The following ARHGAP10 variants were observed in gnomAD, a reference collection of about 807,000 sequenced individuals.
The protein encoded by ARHGAP10 is Rho GTPase activating protein 10.
Under a neutral mutation model 108.6 loss-of-function variants are expected in ARHGAP10, and 87 were observed. The ratio of observed to expected loss-of-function variants is 0.80; its 90% CI spans 0.67 to 0.96. The LOEUF (loss-of-function observed/expected upper bound fraction) is 0.96. Among genes scored for constraint, ARHGAP10 ranks in the 40% least tolerant of loss-of-function variants. ARHGAP10 has a pLI of 0.00. For missense variants in ARHGAP10, 939 were observed against 954.5 expected, an observed-to-expected ratio of 0.98 and a Z score of 0.21; for synonymous variants, 347 against 341.1, an observed-to-expected ratio of 1.02 and a Z score of -0.19.
chr4:147,888,216 C>G lies in ARHGAP10; in HGVS notation c.1034+6284C>G, dbSNP rs116323177. On this transcript the variant is annotated intron_variant, in intron 10 of 22. Transcript: ENST00000336498. ...GCTCTTCACTCACACTTTTTTATGA[C>G]CTTGTCCAGTCTTACGACTTTATGT... Among the ~76,000 whole-genome samples the G allele has an allele frequency of 8.2e-4, 125 of 152,260 alleles. 1 individual carries two copies. Among genetic ancestry groups the G allele is most frequent in the African/African-American group, 2.7e-3 (111 of 41,558 alleles).
intron 18 of ARHGAP10, among the ~76,000 whole-genome samples, chr4:147,989,302 G>A (rs1274602303): frequency 4.6e-5 from 7 of 152,250 alleles, no homozygotes; most frequent in Non-Finnish European, 8.8e-5. Flanking sequence ...GGACTGAAAC[G>A]AAATTAAAAT....
intron 18 of ARHGAP10, among the ~76,000 whole-genome samples, chr4:147,992,281 C>T (rs756958008): frequency 1.3e-5 from 2 of 152,192 alleles, no homozygotes; most frequent in African/African-American, 2.4e-5. Context: ...CACGTTTGTC[C>T]TGCTCTCTCG....
At chr4:147,783,804 TTTA>T (rs1273923401) in intron 1 of ARHGAP10, among the ~76,000 whole-genome samples, 3 of 39,168 alleles carry the variant, frequency 7.7e-5, no homozygotes, top group Non-Finnish European at 6.0e-4. Context: ...ATGTATTATA[TTTA>T]TATAACACAC....
At chr4:147,903,922 A>C (rs948087413) in intron 10 of ARHGAP10, among the ~76,000 whole-genome samples, 1 of 152,190 alleles carries the variant, frequency 6.6e-6, no homozygotes, top group Non-Finnish European at 1.5e-5. Context: ...GTTGTGAATA[A>C]ACATCCATGT....
rs188023855 is a variant in ARHGAP10, at chr4:147,891,891, A to G, written c.1034+9959A>G. On this transcript the variant is annotated intron_variant, in intron 10 of 22. Coordinates refer to ENST00000336498, the MANE Select transcript of ARHGAP10 (RefSeq NM_024605.4). Reference sequence around the variant, plus strand: ...AATATCACCCTTCCCCCGCCCCAACAATTGTGTTATATAACATGCTGTTAG... The same window carrying G: ...AATATCACCCTTCCCCCGCCCCAACGATTGTGTTATATAACATGCTGTTAG... 1.4e-4 allele frequency among the ~76,000 whole-genome samples: 21 copies of G among 152,056 alleles called. No individual in the cohort carries two copies. In the East Asian group the frequency reaches 3.3e-3, roughly 24 times the overall value.
chr4:147,927,698 A>G (rs949884923), intron 13 of ARHGAP10, among the ~76,000 whole-genome samples: 4 of 152,202 alleles, frequency 2.6e-5, no homozygotes, highest in African/African-American at 9.6e-5. Flanking sequence ...CAGCAGAAAC[A>G]GGGTGAGAGG....
At chr4:147,826,870 T>A (rs1382454828) in intron 3 of ARHGAP10, among the ~76,000 whole-genome samples, 1 of 152,118 alleles carries the variant, frequency 6.6e-6, no homozygotes, top group Non-Finnish European at 1.5e-5. Flanking sequence ...ATTCCAATTC[T>A]GCCTCTTTCC....
At chr4:147,898,722 C>G (rs966665493) in intron 10 of ARHGAP10, among the ~76,000 whole-genome samples, 2 of 151,960 alleles carry the variant, frequency 1.3e-5, no homozygotes, top group African/African-American at 4.8e-5. Context: ...TCTTCAAAAC[C>G]ATTCAGTAGG....
chr4:147,913,951 G>A (rs1231769303), intron 13 of ARHGAP10, among the ~76,000 whole-genome samples: 2 of 152,148 alleles, frequency 1.3e-5, no homozygotes, highest in Admixed American at 6.6e-5. Flanking sequence ...CTGGGAGTTC[G>A]AGACCATCCT....
intron 18 of ARHGAP10, among the ~76,000 whole-genome samples, chr4:148,006,440 C>G (rs983670432): frequency 2.0e-5 from 3 of 152,216 alleles, no homozygotes; most frequent in African/African-American, 7.2e-5. Flanking sequence ...TTTGCCTGAC[C>G]CCAGCAGCGT....
chr4:147,759,242 T>G (rs1198415653), intron 1 of ARHGAP10, among the ~76,000 whole-genome samples: 1 of 152,204 alleles, frequency 6.6e-6, no homozygotes, highest in Non-Finnish European at 1.5e-5. Context: ...GTTGTCTCAT[T>G]GAAGAACTGT....
chr4:148,027,980 C>T (rs1727954257), intron 19 of ARHGAP10, among the ~76,000 whole-genome samples: 1 of 151,824 alleles, frequency 6.6e-6, no homozygotes, highest in Non-Finnish European at 1.5e-5. Flanking sequence ...AATTGAAGAG[C>T]TTTTATATGC....
intron 18 of ARHGAP10, among the ~76,000 whole-genome samples, chr4:147,990,704 T>C (rs1346882784): frequency 6.6e-6 from 1 of 152,154 alleles, no homozygotes; most frequent in African/African-American, 2.4e-5. Flanking sequence ...TTCTTACTTA[T>C]GAACAGGAGC....
chr4:147,911,968 A>T (rs531434031), intron 12 of ARHGAP10, among the ~76,000 whole-genome samples: 172 of 145,596 alleles, frequency 1.2e-3, no homozygotes, highest in African/African-American at 4.2e-3. Flanking sequence ...GTGTTCTTAG[A>T]TTCTCAAGTA....
chr4:147,990,495 C>G (rs1740227162), intron 18 of ARHGAP10, among the ~76,000 whole-genome samples: 1 of 152,194 alleles, frequency 6.6e-6, no homozygotes, highest in African/African-American at 2.4e-5. Flanking sequence ...TGAAGCGGGC[C>G]TCTACAGAGG....
chr4:147,768,614 T>G (rs1170500204), intron 1 of ARHGAP10, among the ~76,000 whole-genome samples: 1 of 152,200 alleles, frequency 6.6e-6, no homozygotes, highest in Non-Finnish European at 1.5e-5. Context: ...AAAACCATAA[T>G]ATTTTTGTCC....
At chr4:147,763,625 G>A (rs934344740) in intron 1 of ARHGAP10, among the ~76,000 whole-genome samples, 4 of 151,978 alleles carry the variant, frequency 2.6e-5, no homozygotes, top group African/African-American at 9.7e-5. Context: ...TGGCCTGGCT[G>A]AGTGATTTTA....
chr4:147,805,539 G>A (rs938052438), intron 1 of ARHGAP10, among the ~76,000 whole-genome samples: 3 of 152,136 alleles, frequency 2.0e-5, no homozygotes, highest in Non-Finnish European at 4.4e-5. Flanking sequence ...GAAGAACATT[G>A]AATCTGTAAA....
intron 1 of ARHGAP10, among the ~76,000 whole-genome samples, chr4:147,797,949 C>G (rs1341687024): frequency 6.6e-6 from 1 of 152,134 alleles, no homozygotes; most frequent in Non-Finnish European, 1.5e-5. Flanking sequence ...CCTCTTTGTC[C>G]TGTTTCCCCA....
Sources: gnomAD v4.1 joint callset for allele counts (sites outside exome capture counted in the v4.1 genomes callset) on GRCh38, gnomAD v4.1.1 for gene constraint, MANE v1.5 for transcripts, NCBI Gene and HGNC (gene_info 2026-07-23, HGNC 2026-07-21) for gene names.